SLC8A3: variants seen among roughly 807,000 people sequenced by gnomAD.
SLC8A3 encodes sodium/calcium exchanger 3.
In SLC8A3, 37 loss-of-function variants were observed where a neutral mutation model predicts 65.4. That is an observed-to-expected ratio of 0.57 (90% CI 0.44 to 0.74). The LOEUF is 0.74. Among genes scored for constraint, SLC8A3 ranks in the 30% least tolerant of loss-of-function variants. The probability of loss-of-function intolerance (pLI) is 0.00; values close to 1 mark genes in which losing one functional copy is unlikely to be tolerated. For synonymous variants in SLC8A3, 461 were observed against 444.5 expected, an observed-to-expected ratio of 1.04 and a Z score of -0.47; for missense variants, 1,112 against 1,172.1, an observed-to-expected ratio of 0.95 and a Z score of 0.75.
intron 2 of SLC8A3, among the ~76,000 whole-genome samples, chr14:70,086,401 C>CTTTTTTTTTTT (rs10605312): frequency 3.4e-5 from 4 of 116,140 alleles, no homozygotes; most frequent in Admixed American, 9.2e-5. Flanking sequence ...TTTCTTTTTT[C>CTTTTTTTTTTT]TTTTTTTTTT....
At chr14:70,122,380 C>T (rs568678241) in intron 2 of SLC8A3, among the ~76,000 whole-genome samples, 35 of 152,262 alleles carry the variant, frequency 2.3e-4, no homozygotes, top group Admixed American at 1.3e-4. Context: ...CCCCCAACCA[C>T]CCCTGTAGAA....
intron 2 of SLC8A3, among the ~76,000 whole-genome samples, chr14:70,132,955 A>G (rs1481337360): frequency 2.0e-5 from 3 of 152,158 alleles, no homozygotes; most frequent in African/African-American, 7.2e-5. Flanking sequence ...TTCTCTGCTT[A>G]TCACTAACTG....
chr14:70,189,321 G>C (rs771652837), upstream of SLC8A3, among the ~76,000 whole-genome samples: 7 of 152,184 alleles, frequency 4.6e-5, no homozygotes, highest in Non-Finnish European at 8.8e-5. Context: ...GGATTCCGCC[G>C]AGTTGGGAGC....
At chr14:70,136,814 G>C (rs1188180066) in intron 2 of SLC8A3, among the ~76,000 whole-genome samples, 1 of 152,228 alleles carries the variant, frequency 6.6e-6, no homozygotes, top group Admixed American at 6.5e-5. Context: ...AAATGGAATT[G>C]TTCTAAGCCA....
chr14:70,069,277 G>T (rs1889776581), intron 2 of SLC8A3, among the ~76,000 whole-genome samples: 1 of 152,184 alleles, frequency 6.6e-6, no homozygotes, highest in Non-Finnish European at 1.5e-5. Flanking sequence ...CCTCTGTATT[G>T]TATTGTGAGT....
intron 2 of SLC8A3, among the ~76,000 whole-genome samples, chr14:70,136,271 G>A (rs2140250206): frequency 6.6e-6 from 1 of 152,292 alleles, no homozygotes; most frequent in South Asian, 2.1e-4. Flanking sequence ...GTTTTGGAGG[G>A]AGCGCAGCCC....
intron 2 of SLC8A3, among the ~76,000 whole-genome samples, chr14:70,078,152 T>G (rs1439979097): frequency 2.0e-5 from 3 of 152,224 alleles, no homozygotes; most frequent in Non-Finnish European, 4.4e-5. Context: ...GGCAGACTCG[T>G]TCACCTGAAA....
chr14:70,083,250 C>T (rs1001322242), intron 2 of SLC8A3, among the ~76,000 whole-genome samples: 5 of 152,158 alleles, frequency 3.3e-5, no homozygotes, highest in African/African-American at 4.8e-5. Context: ...TTATCATCTC[C>T]GGAGAGCTCT....
chr14:70,051,232 G>A (rs2080871700), intron 4 of SLC8A3, 125 bp from the exon 5 acceptor site: 1 of 643,940 alleles, frequency 1.6e-6, no homozygotes, highest in African/African-American at 1.8e-5. Flanking sequence ...CGCATGGAAT[G>A]GCCTTGGGCG....
chr14:70,047,043 G>A (rs1886867233), intron 6 of SLC8A3: 1 of 152,192 alleles, frequency 6.6e-6, no homozygotes, highest in African/African-American at 2.4e-5. Flanking sequence ...TAGGATGTTA[G>A]CAAGAGACTT....
intron 2 of SLC8A3, among the ~76,000 whole-genome samples, chr14:70,084,905 C>T (rs536842055): frequency 1.1e-4 from 17 of 152,012 alleles, no homozygotes; most frequent in African/African-American, 3.4e-4. Context: ...TGAGTAATAA[C>T]GTTTATAAGG....
chr14:70,101,259 T>C (rs1331149954), intron 2 of SLC8A3, among the ~76,000 whole-genome samples: 2 of 151,834 alleles, frequency 1.3e-5, no homozygotes, highest in African/African-American at 4.8e-5. Flanking sequence ...AAAACAAGAG[T>C]ATGTGATGGG....
At chr14:70,133,072 CT>C (rs1894956848) in intron 2 of SLC8A3, among the ~76,000 whole-genome samples, 1 of 149,504 alleles carries the variant, frequency 6.7e-6, no homozygotes, top group Non-Finnish European at 1.5e-5. Flanking sequence ...GCTGCAGCCC[CT>C]GAGACCAAAC....
rs17107932 is a variant in SLC8A3 at position 70,175,189 on chromosome 14, T to C, written c.-62-6705A>G. 4.2e-3 allele frequency among the ~76,000 whole-genome samples: 642 copies of C among 152,244 alleles called. 3 individuals are homozygous for C. Among genetic ancestry groups the C allele is most frequent in the African/African-American group, 0.014 (595 of 41,534 alleles). On this transcript the variant is annotated intron_variant, in intron 1 of 6. Transcript: ENST00000356921. Reference sequence around the variant, plus strand: ...CATTCTTTATATGGACCAAGGACTTTAAAAAAGTGATGACAACAGCAATGA... The same window carrying C: ...CATTCTTTATATGGACCAAGGACTTCAAAAAAGTGATGACAACAGCAATGA...
At chr14:70,123,310 A>ATCACTCTC (rs1222058155) in intron 2 of SLC8A3, among the ~76,000 whole-genome samples, 1 of 152,060 alleles carries the variant, frequency 6.6e-6, no homozygotes, top group African/African-American at 2.4e-5. Context: ...ATAAAGTCTT[A>ATCACTCTC]TCACTCTCTC....
At chr14:70,098,341 C>T (rs1237186311) in intron 2 of SLC8A3, among the ~76,000 whole-genome samples, 1 of 152,166 alleles carries the variant, frequency 6.6e-6, no homozygotes, top group East Asian at 1.9e-4. Context: ...GTCACCTCCC[C>T]CTTTCCCCAA....
chr14:70,109,540 C>T (rs535760588), intron 2 of SLC8A3, among the ~76,000 whole-genome samples: 2 of 151,824 alleles, frequency 1.3e-5, no homozygotes, highest in Admixed American at 6.6e-5. Context: ...CTGCAACCTC[C>T]ACCTCCTATG....
intron 2 of SLC8A3, among the ~76,000 whole-genome samples, chr14:70,150,373 T>G (rs1335578015): frequency 6.6e-6 from 1 of 152,344 alleles, no homozygotes; most frequent in East Asian, 1.9e-4. Flanking sequence ...CAAGGCCACA[T>G]ATTTAATCAT....
At chr14:70,132,992 A>G (rs1434545001) in intron 2 of SLC8A3, among the ~76,000 whole-genome samples, 3 of 152,064 alleles carry the variant, frequency 2.0e-5, no homozygotes, top group Non-Finnish European at 4.4e-5. Context: ...ATTTACTGCC[A>G]GGTTTGACAC....
Sources: gnomAD v4.1 joint callset for allele counts (sites outside exome capture counted in the v4.1 genomes callset) on GRCh38, gnomAD v4.1.1 for gene constraint, MANE v1.5 for transcripts, NCBI Gene and HGNC (gene_info 2026-07-23, HGNC 2026-07-21) for gene names.